SEC24A: variants seen among roughly 807,000 people sequenced by gnomAD.
SEC24A encodes the protein protein transport protein Sec24A.
Under a neutral mutation model 129.4 loss-of-function variants are expected in SEC24A, and 93 were observed. The ratio of observed to expected loss-of-function variants is 0.72; its 90% CI spans 0.61 to 0.85. The LOEUF is 0.85. Ranked by LOEUF, SEC24A falls within the 40% of genes least tolerant of loss-of-function variation. SEC24A has a pLI of 0.00. For missense variants in SEC24A, 1,264 were observed against 1,307.4 expected (o/e 0.97, Z 0.51); for synonymous variants, 460 against 467.3 (o/e 0.98, Z 0.20).
chr5:134,701,398 G>T (rs1347107598), intron 15 of SEC24A: 1 of 152,120 alleles, frequency 6.6e-6, no homozygotes, highest in East Asian at 1.9e-4. Flanking sequence ...TAAGGGAAGT[G>T]TACATCCTAA....
At chr5:134,692,729 A>G in intron 12 of SEC24A, 72 bp downstream of exon 12, 1 of 971,692 alleles carries the variant, frequency 1.0e-6, no homozygotes, top group Non-Finnish European at 1.6e-6. Context: ...ATGAACTTTA[A>G]GTAAAATTTT....
Position 134,661,218 on chromosome 5 carries a change from C to G in SEC24A, c.197C>G (p.Thr66Ser). ...TACCCTCATCCAATACCAGCAAAGACTTTGAATCCAGTCTCTGGACAGTCT... is the reference window on the plus strand; with the variant it reads ...TACCCTCATCCAATACCAGCAAAGAGTTTGAATCCAGTCTCTGGACAGTCT... ...GSYPHPIPAK[T>S]LNPVSGQSNY... The change falls in exon 2 of 23, where the codon ACT becomes AGT. Residue 66 changes from threonine (T) to serine (S), a missense_variant. Physicochemically the swap from Thr to Ser is moderately conservative, Grantham distance 58. Transcript: ENST00000398844. 1 of 1,614,138 alleles carries G rather than the reference C, an allele frequency of 6.2e-7. No homozygotes were observed. The highest frequency in any genetic ancestry group is 8.5e-7 in the Non-Finnish European group (1 of 1,180,006).
At chr5:134,689,424 C>A (rs920260346) in intron 11 of SEC24A, among the ~76,000 whole-genome samples, 7 of 152,096 alleles carry the variant, frequency 4.6e-5, no homozygotes, top group African/African-American at 1.7e-4. Flanking sequence ...TGGAAACACC[C>A]CAAGTAGCCA....
chr5:134,694,180 C>G (rs1751748418), intron 13 of SEC24A, among the ~76,000 whole-genome samples: 1 of 152,126 alleles, frequency 6.6e-6, no homozygotes, highest in Non-Finnish European at 1.5e-5. Context: ...GTCTGGGAGA[C>G]TAACAGAATA....
intron 3 of SEC24A, 51 bp from the exon 4 acceptor site, chr5:134,671,758 G>T: frequency 9.0e-7 from 1 of 1,111,918 alleles, no homozygotes; most frequent in Non-Finnish European, 1.3e-6. Flanking sequence ...ATCATACAGA[G>T]ATTGTAATAA....
At chr5:134,721,158 A>T (rs1752617216) in intron 21 of SEC24A, 68 bp downstream of exon 21, 1 of 879,970 alleles carries the variant, frequency 1.1e-6, no homozygotes, top group African/African-American at 1.7e-5. Context: ...AATATCCCCT[A>T]TTTTGATATC....
chr5:134,709,760 C>T (rs775449747), intron 18 of SEC24A, among the ~76,000 whole-genome samples: 4 of 152,046 alleles, frequency 2.6e-5, no homozygotes, highest in Non-Finnish European at 5.9e-5. Context: ...TCCCTTTATA[C>T]CTCATAAATA....
chr5:134,693,827 T>C lies in SEC24A; in HGVS notation c.1880T>C (p.Met627Thr), dbSNP rs756290102. 1.4e-5 allele frequency: 22 copies of C among 1,614,084 alleles called. No individual in the cohort carries two copies. The highest frequency in any genetic ancestry group is 1.7e-5 in the Admixed American group (1 of 59,998). ...GCACTGCAGGCTGCCTTTAAGCTGATGTCTCCAACTGGTGGTCGAATGTCT... is the reference window on the plus strand; with the variant it reads ...GCACTGCAGGCTGCCTTTAAGCTGACGTCTCCAACTGGTGGTCGAATGTCT... ...GPALQAAFKL[M>T]SPTGGRMSVF... Residue 627 changes from methionine to threonine, a missense_variant, in exon 13 of 23, where the codon ATG (methionine) becomes ACG (threonine). Coordinates refer to ENST00000398844, the MANE Select transcript of SEC24A (RefSeq NM_021982.3).
intron 13 of SEC24A, among the ~76,000 whole-genome samples, chr5:134,695,813 G>A (rs1188407517): frequency 6.6e-6 from 1 of 151,642 alleles, no homozygotes; most frequent in African/African-American, 2.4e-5. Flanking sequence ...AATTAGCTGG[G>A]GGTGGCGGTG....
chr5:134,682,110 G>T (rs1751293861), intron 8 of SEC24A, among the ~76,000 whole-genome samples: 1 of 152,092 alleles, frequency 6.6e-6, no homozygotes, highest in South Asian at 2.1e-4. Flanking sequence ...GGGCGTGGTG[G>T]CGCATGCCTG....
Position 134,666,843 on chromosome 5 carries a change from G to A in SEC24A, c.586G>A (p.Val196Met), listed in dbSNP as rs1326995397. The part of the protein sequence containing the change: ...IKSGPSVPPL[V>M]NPPLPTTFQP... The stretch of plus-strand genomic sequence containing the variant: ...CATAGGTCCTTCTGTACCTCCCTTA[G>A]TGAATCCACCTCTGCCTACAACTTT... Residue 196 changes from valine to methionine, a missense_variant, in exon 3 of 23, where the codon GTG becomes ATG. Val to Met is a conservative substitution (Grantham distance 21, BLOSUM62 1). Coordinates refer to ENST00000398844, the MANE Select transcript of SEC24A (RefSeq NM_021982.3). 5 of 1,613,922 alleles carry A rather than the reference G, an allele frequency of 3.1e-6. No homozygotes were observed. The highest frequency in any genetic ancestry group is 4.2e-6 in the Non-Finnish European group (5 of 1,180,014).
intron 15 of SEC24A, among the ~76,000 whole-genome samples, chr5:134,702,867 C>T (rs1210345414): frequency 1.3e-5 from 2 of 151,824 alleles, no homozygotes; most frequent in African/African-American, 4.8e-5. Context: ...CAGGTTCAAG[C>T]GATTCTCCTG....
intron 17 of SEC24A, 137 bp from the exon 18 acceptor site, chr5:134,708,576 T>G: frequency 2.7e-6 from 2 of 731,316 alleles, no homozygotes; most frequent in Non-Finnish European, 4.3e-6. Context: ...AGCTGCTGTG[T>G]TTTGTCTCAT....
At chr5:134,676,203 A>G (rs981500659) in intron 7 of SEC24A, 78 bp downstream of exon 7, 9 of 1,001,282 alleles carry the variant, frequency 9.0e-6, no homozygotes, top group Non-Finnish European at 1.0e-5. Flanking sequence ...GCAGTGACGC[A>G]GTCTCAGCTT....
At chr5:134,671,614 T>G (rs1750865809) in intron 3 of SEC24A, among the ~76,000 whole-genome samples, 195 bp from the exon 4 acceptor site, 1 of 152,190 alleles carries the variant, frequency 6.6e-6, no homozygotes, top group Non-Finnish European at 1.5e-5. Context: ...ATGTTTCCTT[T>G]CCCTGAAGTT....
chr5:134,677,152 G>A (rs931254904), intron 7 of SEC24A, among the ~76,000 whole-genome samples: 1 of 152,034 alleles, frequency 6.6e-6, no homozygotes, highest in African/African-American at 2.4e-5. Context: ...GGCCAAGGTG[G>A]GAGAATTGCT....
chr5:134,722,440 C>T (rs1240318168), intron 21 of SEC24A, among the ~76,000 whole-genome samples: 1 of 152,056 alleles, frequency 6.6e-6, no homozygotes, highest in Non-Finnish European at 1.5e-5. Flanking sequence ...TGGCGCACAC[C>T]TGTAATCCCA....
At chr5:134,707,002 C>G (rs1358900509) in intron 17 of SEC24A, among the ~76,000 whole-genome samples, 2 of 151,854 alleles carry the variant, frequency 1.3e-5, no homozygotes, top group Admixed American at 1.3e-4. Flanking sequence ...AACCAGCTAA[C>G]TTTAAAAAAA....
Position 134,686,783 on chromosome 5 carries a change from T to C in SEC24A, c.1492-7T>C. ...AAATGTACTTAACAAGATCTTTTTT[T>C]CTTCAGTTACGACCACCTCAGCCTC... On this transcript the variant is annotated splice_region_variant and splice_polypyrimidine_tract_variant and intron_variant, in intron 9 of 22. Transcript: ENST00000398844. 5 of 1,555,014 alleles carry C rather than the reference T, an allele frequency of 3.2e-6. No homozygotes were observed. The highest frequency in any genetic ancestry group is 4.4e-6 in the Non-Finnish European group (5 of 1,140,482).
Sources: allele counts gnomAD v4.1 joint callset (sites outside exome capture counted in the v4.1 genomes callset), GRCh38; gene constraint gnomAD v4.1.1; transcripts MANE v1.5; gene names NCBI Gene and HGNC (gene_info 2026-07-23, HGNC 2026-07-21).